The following CLEC16A variants were observed in gnomAD, a reference collection of about 807,000 sequenced individuals.
CLEC16A encodes protein CLEC16A.
CLEC16A carries 51 observed loss-of-function variants against 109.5 expected under a neutral mutation model. The observed-to-expected ratio is 0.47, with a 90% CI of 0.37 to 0.59. The LOEUF is 0.59. Among genes scored for constraint, CLEC16A ranks in the 20% least tolerant of loss-of-function variants. CLEC16A has a pLI of 0.00. For synonymous variants in CLEC16A, 673 were observed against 564.2 expected, an observed-to-expected ratio of 1.19 and a Z score of -2.73; for missense variants, 1,339 against 1,394.0, an observed-to-expected ratio of 0.96 and a Z score of 0.63.
intron 19 of CLEC16A, among the ~76,000 whole-genome samples, chr16:11,098,017 T>C (rs1319879629): frequency 1.3e-5 from 2 of 152,152 alleles, no homozygotes; most frequent in African/African-American, 4.8e-5. Flanking sequence ...TAGAATCACT[T>C]GGAGAGCTTT....
rs964084227 is a variant in CLEC16A at position 10,971,163 on chromosome 16, G to A, written c.531G>A (p.Lys177=). Residue 177 remains lysine, a synonymous_variant, in exon 5 of 24, where the codon AAG becomes AAA. Transcript: ENST00000409790. Reference sequence around the variant, plus strand: ...TTGCCCTGTACACAGAAGCCATCAAGTTTTTCAACCACCCTGAAAGCATGG... The same window carrying A: ...TTGCCCTGTACACAGAAGCCATCAAATTTTTCAACCACCCTGAAAGCATGG... ...NDFALYTEAI[K]FFNHPESMVR... The A allele has an allele frequency of 6.2e-7, 1 of 1,613,818 alleles. No homozygotes were observed. Among genetic ancestry groups the A allele is most frequent in the Non-Finnish European group, 8.5e-7 (1 of 1,179,784 alleles).
At chr16:11,134,944 C>T (rs1277878413) in intron 22 of CLEC16A, among the ~76,000 whole-genome samples, 1 of 152,258 alleles carries the variant, frequency 6.6e-6, no homozygotes, top group Non-Finnish European at 1.5e-5. Flanking sequence ...GACCCACTTC[C>T]AGTGTTTCAA....
intron 13 of CLEC16A, chr16:11,027,656 C>G: frequency 6.5e-7 from 1 of 1,542,848 alleles, no homozygotes; most frequent in Non-Finnish European, 8.8e-7. Context: ...CTTTCCACCT[C>G]TCAGTGGCCC....
intron 11 of CLEC16A, among the ~76,000 whole-genome samples, chr16:11,015,400 A>T (rs2045685581): frequency 6.6e-6 from 1 of 152,128 alleles, no homozygotes. Flanking sequence ...GAATCACTGC[A>T]CTTGTGGGTT....
intron 9 of CLEC16A, among the ~76,000 whole-genome samples, chr16:10,980,044 C>A (rs978626213): frequency 6.6e-6 from 1 of 152,224 alleles, no homozygotes; most frequent in African/African-American, 2.4e-5. Flanking sequence ...ACTCTCAGGG[C>A]ATCTCATTAG....
At chr16:11,166,133 C>T (rs965251051) in intron 22 of CLEC16A, among the ~76,000 whole-genome samples, 1 of 152,226 alleles carries the variant, frequency 6.6e-6, no homozygotes, top group Non-Finnish European at 1.5e-5. Context: ...CTCGGATTTA[C>T]GACTCATGGC....
At chr16:11,080,157 G>T (rs9652600) in intron 19 of CLEC16A, among the ~76,000 whole-genome samples, 1 of 152,108 alleles carries the variant, frequency 6.6e-6, no homozygotes, top group Non-Finnish European at 1.5e-5. Flanking sequence ...TCCCGTGCGC[G>T]TCCATCCATC....
chr16:11,145,047 G>A (rs1017712772), intron 22 of CLEC16A, among the ~76,000 whole-genome samples: 1 of 152,134 alleles, frequency 6.6e-6, no homozygotes. Flanking sequence ...GGGAATGAGC[G>A]GGCTGTGAAA....
At chr16:11,095,007 A>T (rs2050523571) in intron 19 of CLEC16A, among the ~76,000 whole-genome samples, 1 of 152,118 alleles carries the variant, frequency 6.6e-6, no homozygotes, top group African/African-American at 2.4e-5. Flanking sequence ...CTTTCTTCTT[A>T]GCAGGTGTGA....
chr16:11,172,156 T>G (rs1341261493), intron 23 of CLEC16A, among the ~76,000 whole-genome samples: 1 of 151,752 alleles, frequency 6.6e-6, no homozygotes, highest in East Asian at 1.9e-4. Context: ...CTGCACATGC[T>G]CACACAGTCA....
At chr16:10,951,475 A>C (rs2041729046) in intron 1 of CLEC16A, among the ~76,000 whole-genome samples, 1 of 149,880 alleles carries the variant, frequency 6.7e-6, no homozygotes, top group Non-Finnish European at 1.5e-5. Context: ...CATTGTTTGC[A>C]TTTCTGTAGT....
At chr16:11,132,090 A>G (rs867784263) in intron 22 of CLEC16A, among the ~76,000 whole-genome samples, 3 of 152,202 alleles carry the variant, frequency 2.0e-5, no homozygotes, top group Non-Finnish European at 4.4e-5. Flanking sequence ...TTAACACAAC[A>G]TAAAACTAAC....
At chr16:11,057,014 A>G (rs1385855804) in intron 18 of CLEC16A, 1 of 152,198 alleles carries the variant, frequency 6.6e-6, no homozygotes, top group Non-Finnish European at 1.5e-5. Flanking sequence ...CATTATTTTC[A>G]ACTAAACTAT....
At chr16:11,139,857 C>T (rs559800088) in intron 22 of CLEC16A, among the ~76,000 whole-genome samples, 1 of 152,270 alleles carries the variant, frequency 6.6e-6, no homozygotes, top group East Asian at 1.9e-4. Flanking sequence ...TATTTAAGGT[C>T]CCAGGATAAA....
At chr16:11,114,660 G>T (rs571842445) in intron 19 of CLEC16A, among the ~76,000 whole-genome samples, 29 of 152,238 alleles carry the variant, frequency 1.9e-4, no homozygotes, top group African/African-American at 6.7e-4. Flanking sequence ...AAGACCCCAT[G>T]GCAGTCCCAA....
chr16:11,165,316 C>T (rs1490928236), intron 22 of CLEC16A, among the ~76,000 whole-genome samples: 2 of 151,762 alleles, frequency 1.3e-5, no homozygotes, highest in South Asian at 2.1e-4. Context: ...TACAGTGGGA[C>T]CCCCATCTCT....
chr16:11,044,927 CAAA>C (rs71404442), intron 16 of CLEC16A, among the ~76,000 whole-genome samples: 6 of 86,932 alleles, frequency 6.9e-5, no homozygotes, highest in Non-Finnish European at 2.3e-5. Context: ...AACTCCATCT[CAAA>C]AAAAAAAAAA....
In CLEC16A at chr16:11,065,439, A is replaced by G. The variant is rs116022265; in HGVS notation, c.2116+4417A>G. ...TAAAATCAATTCGTGAAGCCCATTC[A>G]ATGAAGACCCATTCATGCATTCAGC... On this transcript the variant is annotated intron_variant, in intron 19 of 23. Coordinates refer to ENST00000409790, the MANE Select transcript of CLEC16A (RefSeq NM_015226.3). Among the ~76,000 whole-genome samples the G allele has an allele frequency of 1.1e-3, 163 of 152,326 alleles. 1 individual carries two copies. The highest frequency in any genetic ancestry group is 3.7e-3 in the African/African-American group (153 of 41,572).
chr16:11,024,539 TGTA>T (rs2046300640), intron 12 of CLEC16A: 1 of 337,310 alleles, frequency 3.0e-6, no homozygotes, highest in African/African-American at 2.1e-5. Context: ...GTGGGGAGTT[TGTA>T]TAATTGATTC....
Sources: allele counts gnomAD v4.1 joint callset (sites outside exome capture counted in the v4.1 genomes callset), GRCh38; gene constraint gnomAD v4.1.1; transcripts MANE v1.5; gene names NCBI Gene and HGNC (gene_info 2026-07-23, HGNC 2026-07-21).